The following XPNPEP1 variants were observed in gnomAD, a reference collection of about 807,000 sequenced individuals.
The protein encoded by XPNPEP1 is X-prolyl aminopeptidase 1, also known as xaa-Pro aminopeptidase 1.
In XPNPEP1, 39 loss-of-function variants were observed where a neutral mutation model predicts 92.4. The observed-to-expected ratio is 0.42, with a 90% CI of 0.33 to 0.55. XPNPEP1 has a LOEUF of 0.55. Ranked by LOEUF, XPNPEP1 falls within the 20% of genes least tolerant of loss-of-function variation. XPNPEP1 has a pLI of 0.08. For missense variants in XPNPEP1, 654 were observed against 856.1 expected, an observed-to-expected ratio of 0.76 and a Z score of 2.95; for synonymous variants, 307 against 299.4, an observed-to-expected ratio of 1.03 and a Z score of -0.26.
intron 12 of XPNPEP1, among the ~76,000 whole-genome samples, chr10:109,879,361 G>A (rs1206525012): frequency 6.6e-6 from 1 of 152,126 alleles, no homozygotes; most frequent in Non-Finnish European, 1.5e-5. Context: ...CACAAGGTCA[G>A]GAGTTCAAGA....
chr10:109,877,233 G>C (rs144587774), intron 14 of XPNPEP1: 1 of 153,908 alleles, frequency 6.5e-6, no homozygotes, highest in Admixed American at 6.4e-5. Flanking sequence ...GGAGGCTGAG[G>C]CAGGAGGATT....
In XPNPEP1 at chr10:109,870,031, TAA is replaced by T; in HGVS notation, c.1697-4_1697-3del. 6.2e-7 allele frequency: 1 copy of T among 1,613,970 alleles called. No individual in the cohort carries two copies. Among genetic ancestry groups the T allele is most frequent in the Non-Finnish European group, 8.5e-7 (1 of 1,179,930 alleles). On this transcript the variant is annotated splice_polypyrimidine_tract_variant and splice_region_variant and intron_variant, in intron 18 of 20. Coordinates refer to ENST00000502935, the MANE Select transcript of XPNPEP1 (RefSeq NM_020383.4). Reference sequence around the variant, plus strand: ...CCCCATCTTCATAGTACCCGGGCTCTAAAACAAACCAAATCCCAAAAATGAGA... The same window carrying T: ...CCCCATCTTCATAGTACCCGGGCTCTAACAAACCAAATCCCAAAAATGAGA...
chr10:109,901,103 A>C (rs747841285), intron 3 of XPNPEP1, among the ~76,000 whole-genome samples: 4 of 152,128 alleles, frequency 2.6e-5, no homozygotes, highest in Non-Finnish European at 5.9e-5. Flanking sequence ...CTATGCAGCC[A>C]TAAAAAAGGA....
intron 2 of XPNPEP1, among the ~76,000 whole-genome samples, chr10:109,912,571 G>A (rs1849937156): frequency 6.6e-6 from 1 of 152,216 alleles, no homozygotes; most frequent in African/African-American, 2.4e-5. Flanking sequence ...CATTGAGGTG[G>A]CACTGGTTGA....
chr10:109,900,108 C>T (rs140215380), intron 3 of XPNPEP1, among the ~76,000 whole-genome samples: 1 of 152,338 alleles, frequency 6.6e-6, no homozygotes, highest in East Asian at 1.9e-4. Context: ...CAGACCACTG[C>T]AGTGCCAAGT....
intron 16 of XPNPEP1, 129 bp from the exon 17 acceptor site, chr10:109,871,990 G>T (rs991895698): frequency 2.2e-6 from 2 of 898,858 alleles, no homozygotes; most frequent in Non-Finnish European, 3.2e-6. Flanking sequence ...TAAGTAAAAA[G>T]AAAAAAATCT....
chr10:109,870,877 G>A lies in XPNPEP1; in HGVS notation c.1550C>T (p.Ser517Leu). The A allele has an allele frequency of 1.2e-6, 2 of 1,614,018 alleles. No homozygotes were observed. Among genetic ancestry groups the A allele is most frequent in the South Asian group, 1.1e-5 (1 of 91,044 alleles). ...KGHLLDSFAR[S>L]ALWDSGLDYL... Reference sequence around the variant, plus strand: ...ATCTAGGCCTGAATCCCATAAAGCTGAACGGGCAAAGGAGTCAAGAAGGTG... The same window carrying A: ...ATCTAGGCCTGAATCCCATAAAGCTAAACGGGCAAAGGAGTCAAGAAGGTG... The change falls in exon 18 of 21, where the codon TCA becomes TTA. Residue 517 changes from serine (S) to leucine (L), a missense_variant. Ser to Leu is a moderately radical substitution (Grantham distance 145). Coordinates refer to ENST00000502935, the MANE Select transcript of XPNPEP1 (RefSeq NM_020383.4).
intron 2 of XPNPEP1, among the ~76,000 whole-genome samples, chr10:109,911,062 T>A (rs1382513095): frequency 6.6e-6 from 1 of 152,162 alleles, no homozygotes; most frequent in Non-Finnish European, 1.5e-5. Context: ...TCCAATAGAA[T>A]CCCCTATGGG....
intron 8 of XPNPEP1, 60 bp downstream of exon 8, chr10:109,886,186 C>T (rs1305321243): frequency 1.3e-6 from 2 of 1,552,250 alleles, no homozygotes; most frequent in South Asian, 1.1e-5. Context: ...CACACAGATA[C>T]CCAGAGACCC....
chr10:109,920,907 A>AC (rs1850502421), intron 1 of XPNPEP1, among the ~76,000 whole-genome samples: 1 of 152,134 alleles, frequency 6.6e-6, no homozygotes, highest in Admixed American at 6.5e-5. Flanking sequence ...AAGATAACTT[A>AC]CCATAGGCCA....
chr10:109,917,711 C>T (rs1267441522), intron 1 of XPNPEP1, among the ~76,000 whole-genome samples: 1 of 152,160 alleles, frequency 6.6e-6, no homozygotes, highest in African/African-American at 2.4e-5. Flanking sequence ...AGAACTCTTC[C>T]ATCCCAATTT....
chr10:109,920,937 A>G (rs1850504107), intron 1 of XPNPEP1, among the ~76,000 whole-genome samples: 2 of 152,204 alleles, frequency 1.3e-5, no homozygotes, highest in Non-Finnish European at 2.9e-5. Context: ...GTAGCCGCAA[A>G]GCCAAGACCA....
intron 1 of XPNPEP1, among the ~76,000 whole-genome samples, chr10:109,918,996 C>G (rs1361145444): frequency 2.0e-5 from 3 of 151,842 alleles, no homozygotes; most frequent in Non-Finnish European, 4.4e-5. Flanking sequence ...AAAAAATTAA[C>G]CCAAATGGAT....
Position 109,865,199 on chromosome 10 carries a change from G to A in XPNPEP1, c.1986C>T (p.Ile662=). 3.1e-6 allele frequency: 5 copies of A among 1,614,216 alleles called. No individual in the cohort carries two copies. Among genetic ancestry groups the A allele is most frequent in the Non-Finnish European group, 4.2e-6 (5 of 1,180,040 alleles). Residue 662 remains isoleucine, a synonymous_variant, in exon 21 of 21, where the codon ATC becomes ATT. Coordinates refer to ENST00000502935, the MANE Select transcript of XPNPEP1 (RefSeq NM_020383.4). Reference sequence around the variant, plus strand: ...GAGGTATTTATTAATGCTGTTTGGAGATGGGTTGCGTCTCTCTGATGAGCC... The same window carrying A: ...GAGGTATTTATTAATGCTGTTTGGAAATGGGTTGCGTCTCTCTGATGAGCC... ...LEWLIRETQP[I]SKQH
chr10:109,880,252 G>T lies in XPNPEP1; in HGVS notation c.1132-14C>A. 6.2e-7 allele frequency: 1 copy of T among 1,613,460 alleles called. No individual in the cohort carries two copies. The highest frequency in any genetic ancestry group is 8.5e-7 in the Non-Finnish European group (1 of 1,179,958). On this transcript the variant is annotated splice_polypyrimidine_tract_variant and intron_variant, in intron 11 of 20. Coordinates refer to ENST00000502935, the MANE Select transcript of XPNPEP1 (RefSeq NM_020383.4). ...AGCATCTTTAATCTGTGCAAACAAT[G>T]GAGACATTTTTTAAGTTATCACTGA...
At chr10:109,920,246 A>G (rs1850465891) in intron 1 of XPNPEP1, among the ~76,000 whole-genome samples, 2 of 152,210 alleles carry the variant, frequency 1.3e-5, no homozygotes, top group African/African-American at 4.8e-5. Flanking sequence ...GACTGATTAC[A>G]GGTAACAGGA....
chr10:109,907,690 C>T lies in XPNPEP1; in HGVS notation c.246+1G>A. The T allele has an allele frequency of 6.2e-7, 1 of 1,614,172 alleles. No individual in the cohort carries two copies. The highest frequency in any genetic ancestry group is 8.5e-7 in the Non-Finnish European group (1 of 1,180,022). ...AGGAGAGGCCCATTGCCATGCAGTACCTGATGAGCATCTCCCGATGGGATG... is the reference window on the plus strand; with the variant it reads ...AGGAGAGGCCCATTGCCATGCAGTATCTGATGAGCATCTCCCGATGGGATG... On this transcript the variant is annotated splice_donor_variant, in intron 3 of 20. Coordinates refer to ENST00000502935, the MANE Select transcript of XPNPEP1 (RefSeq NM_020383.4). LOFTEE classifies it high-confidence loss of function.
At chr10:109,897,355 A>T (rs1460462663) in intron 3 of XPNPEP1, among the ~76,000 whole-genome samples, 1 of 152,062 alleles carries the variant, frequency 6.6e-6, no homozygotes, top group Non-Finnish European at 1.5e-5. Context: ...CAGCTTTCAG[A>T]GGCTCCCACA....
At chr10:109,923,216 C>T in intron 1 of XPNPEP1, 186 bp downstream of exon 1, 3 of 985,344 alleles carry the variant, frequency 3.0e-6, no homozygotes, top group Non-Finnish European at 3.6e-6. Flanking sequence ...AACCGGATCT[C>T]GCCCGGCCTC....
Sources: allele counts gnomAD v4.1 joint callset (sites outside exome capture counted in the v4.1 genomes callset), GRCh38; gene constraint gnomAD v4.1.1; transcripts MANE v1.5; gene names NCBI Gene and HGNC (gene_info 2026-07-23, HGNC 2026-07-21).